Variants in TBC1D5 observed in about 807,000 individuals in gnomAD.
The protein encoded by TBC1D5 is TBC1 domain family, member 5.
In TBC1D5, 75 loss-of-function variants were observed where a neutral mutation model predicts 100.3. That is an observed-to-expected ratio of 0.75 (90% CI 0.62 to 0.91). The LOEUF (loss-of-function observed/expected upper bound fraction) is 0.91, where lower values mean the gene tolerates loss of function less well. Ranked by LOEUF, TBC1D5 falls within the 40% of genes least tolerant of loss-of-function variation. TBC1D5 has a pLI of 0.00. For synonymous variants in TBC1D5, 323 were observed against 325.6 expected, an observed-to-expected ratio of 0.99 and a Z score of 0.09; for missense variants, 910 against 942.4, an observed-to-expected ratio of 0.97 and a Z score of 0.45.
chr3:17,410,958 T>C (rs1352015201), intron 4 of TBC1D5, among the ~76,000 whole-genome samples: 1 of 152,172 alleles, frequency 6.6e-6, no homozygotes, highest in African/African-American at 2.4e-5. Flanking sequence ...GAGTCCAATT[T>C]TGAAACAAGT....
chr3:17,473,414 C>T (rs2095403612), intron 3 of TBC1D5, among the ~76,000 whole-genome samples: 1 of 152,160 alleles, frequency 6.6e-6, no homozygotes, highest in South Asian at 2.1e-4. Context: ...AACATGAATT[C>T]ATATACAATG....
In TBC1D5 at chr3:17,292,434, TAC is replaced by T. The variant is rs2081860109; in HGVS notation, c.1139-435_1139-434del. 2.0e-5 allele frequency among the ~76,000 whole-genome samples: 3 copies of T among 152,254 alleles called. No individual in the cohort carries two copies. In the South Asian group the frequency reaches 6.2e-4, roughly 32 times the overall value. ...TACCTTATTATGCATTACAACTTGT[TAC>T]ATTTTCTTTTGTATAGGTAAACATT... On this transcript the variant is annotated intron_variant, in intron 14 of 21. Coordinates refer to ENST00000253692, the Ensembl canonical transcript of TBC1D5.
chr3:17,482,838 T>C (rs1047439740), intron 3 of TBC1D5, among the ~76,000 whole-genome samples: 17 of 152,130 alleles, frequency 1.1e-4, no homozygotes, highest in African/African-American at 4.1e-4. Context: ...TCAGTACAAC[T>C]AATTGTCAGG....
At chr3:17,652,615 G>A (rs1426082244) in intron 1 of TBC1D5, among the ~76,000 whole-genome samples, 1 of 152,128 alleles carries the variant, frequency 6.6e-6, no homozygotes, top group Admixed American at 6.6e-5. Flanking sequence ...GGTAGAGTCT[G>A]TCAACAATCA....
At chr3:17,545,128 C>T (rs1029331229) in intron 2 of TBC1D5, among the ~76,000 whole-genome samples, 3 of 151,600 alleles carry the variant, frequency 2.0e-5, no homozygotes, top group Admixed American at 6.6e-5. Context: ...ATTATGACAC[C>T]GAAAAAATCG....
At chr3:17,281,891 T>A (rs897958974) in intron 15 of TBC1D5, among the ~76,000 whole-genome samples, 1 of 152,204 alleles carries the variant, frequency 6.6e-6, no homozygotes, top group Non-Finnish European at 1.5e-5. Context: ...AAGTGATGGT[T>A]TTTTTGTTCT....
chr3:17,649,260 G>A (rs2065305382), intron 1 of TBC1D5, among the ~76,000 whole-genome samples: 1 of 152,036 alleles, frequency 6.6e-6, no homozygotes, highest in Non-Finnish European at 1.5e-5. Flanking sequence ...TCTTATAAGT[G>A]GGGCTAAATG....
intron 1 of TBC1D5, among the ~76,000 whole-genome samples, chr3:17,683,212 A>G (rs1428480194): frequency 6.6e-6 from 1 of 151,536 alleles, no homozygotes; most frequent in African/African-American, 2.4e-5. Flanking sequence ...GGTCATTTCT[A>G]TAAAAGCTCA....
Position 17,218,066 on chromosome 3 carries a change from C to T in TBC1D5, c.1589-3696G>A, listed in dbSNP as rs192362375. ...GAAGTAGCTCAAGTTCATTCTTTTG[C>T]ATGTGGATATCTAGTTTTCCCAGAA... On this transcript the variant is annotated intron_variant, in intron 17 of 21. Transcript: ENST00000253692. Among the ~76,000 whole-genome samples, 25 of 152,130 alleles carry T rather than the reference C, an allele frequency of 1.6e-4. No individual in the cohort carries two copies. In the East Asian group the frequency reaches 4.4e-3, roughly 27 times the overall value.
chr3:17,451,416 C>T (rs2094924810), intron 3 of TBC1D5, among the ~76,000 whole-genome samples: 2 of 152,114 alleles, frequency 1.3e-5, no homozygotes, highest in Admixed American at 6.5e-5. Flanking sequence ...CATCACTGGT[C>T]ATTAGAAAAA....
intron 3 of TBC1D5, among the ~76,000 whole-genome samples, chr3:17,479,826 TG>T (rs2095480512): frequency 1.3e-5 from 2 of 152,164 alleles, no homozygotes; most frequent in Admixed American, 1.3e-4. Flanking sequence ...AGGCGCTAGC[TG>T]GGGCTGCATG....
intron 1 of TBC1D5, among the ~76,000 whole-genome samples, chr3:17,709,046 T>C (rs1003447076): frequency 2.9e-4 from 44 of 152,320 alleles, no homozygotes; most frequent in African/African-American, 1.0e-3. Context: ...CCCTTTTTTC[T>C]TGGCATACAT....
chr3:17,353,971 C>T (rs775511375), intron 13 of TBC1D5, among the ~76,000 whole-genome samples: 2 of 152,050 alleles, frequency 1.3e-5, no homozygotes, highest in Admixed American at 6.6e-5. Flanking sequence ...TAGCATTCCA[C>T]GTTTTCTATC....
chr3:17,392,895 G>C (rs544998298), intron 8 of TBC1D5, among the ~76,000 whole-genome samples: 1 of 152,106 alleles, frequency 6.6e-6, no homozygotes, highest in Non-Finnish European at 1.5e-5. Context: ...TGGGATTGCT[G>C]TGTCAAATGG....
rs201133991 is a variant in TBC1D5, at chr3:17,677,738, AACC to A, written c.-100-53828_-100-53826del. 7.0e-3 allele frequency among the ~76,000 whole-genome samples: 1,060 copies of A among 152,332 alleles called. 11 individuals carry two copies. The highest frequency in any genetic ancestry group is 0.023 in the African/African-American group (975 of 41,572). ...ACTATTCACAATAGCAAAGACTTGGAACCAACCCAAATGTCCAACAATGACAGA... is the reference window on the plus strand; with the variant it reads ...ACTATTCACAATAGCAAAGACTTGGAAACCCAAATGTCCAACAATGACAGA... On this transcript the variant is annotated intron_variant, in intron 1 of 21. Transcript: ENST00000253692.
At chr3:17,578,064 T>C (rs2096668641) in intron 2 of TBC1D5, among the ~76,000 whole-genome samples, 1 of 152,052 alleles carries the variant, frequency 6.6e-6, no homozygotes, top group African/African-American at 2.4e-5. Flanking sequence ...ACTTAGTTTA[T>C]ATGAAGGTAA....
intron 18 of TBC1D5, among the ~76,000 whole-genome samples, chr3:17,199,865 T>A (rs1373439493): frequency 1.3e-5 from 2 of 152,320 alleles, no homozygotes; most frequent in East Asian, 1.9e-4. Flanking sequence ...GATCAGGCCA[T>A]CTTTCAGAGT....
intron 1 of TBC1D5, among the ~76,000 whole-genome samples, chr3:17,681,273 T>G (rs2069431027): frequency 6.6e-6 from 1 of 151,664 alleles, no homozygotes; most frequent in South Asian, 2.1e-4. Flanking sequence ...TACATATGAA[T>G]AAGATTTATT....
At chr3:17,256,314 C>A (rs1204011003) in intron 16 of TBC1D5, among the ~76,000 whole-genome samples, 1 of 150,796 alleles carries the variant, frequency 6.6e-6, no homozygotes, top group Non-Finnish European at 1.5e-5. Context: ...TTAAGCTTTG[C>A]AATTGCAAAA....
Sources: allele counts gnomAD v4.1 joint callset (sites outside exome capture counted in the v4.1 genomes callset), GRCh38; gene constraint gnomAD v4.1.1; transcripts MANE v1.5; gene names NCBI Gene and HGNC (gene_info 2026-07-23, HGNC 2026-07-21).